SH3BP4: variants seen among roughly 807,000 people sequenced by gnomAD.
SH3BP4 encodes SH3 domain binding protein 4, also known as SH3 domain-binding protein 4.
SH3BP4 carries 33 observed loss-of-function variants against 65.5 expected under a neutral mutation model. The ratio of observed to expected loss-of-function variants is 0.50; its 90% CI spans 0.38 to 0.67. SH3BP4 has a LOEUF of 0.67. Among genes scored for constraint, SH3BP4 ranks in the 30% least tolerant of loss-of-function variants. SH3BP4 has a pLI of 0.00. For synonymous variants in SH3BP4, 552 were observed against 545.5 expected, an observed-to-expected ratio of 1.01 and a Z score of -0.17; for missense variants, 1,134 against 1,261.4, an observed-to-expected ratio of 0.90 and a Z score of 1.53.
At chr2:235,039,853 T>A (rs1163273154) in intron 3 of SH3BP4, among the ~76,000 whole-genome samples, 2 of 152,222 alleles carry the variant, frequency 1.3e-5, no homozygotes, top group Non-Finnish European at 2.9e-5. Flanking sequence ...ACTTGTTCAA[T>A]GATAGTATGA....
At chr2:235,043,348 C>G in intron 4 of SH3BP4, 101 bp downstream of exon 4, 1 of 871,010 alleles carries the variant, frequency 1.1e-6, no homozygotes, top group Non-Finnish European at 1.8e-6. Flanking sequence ...TCGTAAGTCA[C>G]CAGGACAGTG....
rs201220067 is a variant in SH3BP4, at chr2:235,041,712, G to A, written c.943G>A (p.Val315Met). The change falls in exon 4 of 6, where the codon GTG becomes ATG. Residue 315 changes from valine to methionine, a missense_variant. Coordinates refer to ENST00000392011, the MANE Select transcript of SH3BP4 (RefSeq NM_014521.3). This position sits in a 1 kb window ranked among gnomAD's most constrained non-coding sequence, Gnocchi z 6.0. The part of the protein sequence containing the change: ...QSPGWGQTQA[V>M]ETNIVCKLDS... ...CCCTGGTTGGGGCCAGACCCAAGCC[G>A]TGGAGACAAACATCGTGTGCAAGCT... 207 of 1,612,066 alleles carry A rather than the reference G, an allele frequency of 1.3e-4. 1 individual carries two copies. The Middle Eastern group carries it at 3.0e-3, about 23-fold the overall frequency.
At chr2:234,966,129 A>G (rs113846666) in intron 1 of SH3BP4, among the ~76,000 whole-genome samples, 3,241 of 152,304 alleles carry the variant, frequency 0.021, 53 homozygotes, top group Non-Finnish European at 0.027. Flanking sequence ...CTGTAATCCC[A>G]ACACTTTGGG....
At chr2:234,980,237 T>C (rs1389596066) in intron 1 of SH3BP4, among the ~76,000 whole-genome samples, 28 of 152,190 alleles carry the variant, frequency 1.8e-4, no homozygotes. Context: ...AAACCCTGTA[T>C]GTACTATTTA....
At position 235,046,349 on chromosome 2, in the gene SH3BP4, G is replaced by A. The variant is rs997399530; in HGVS notation, c.2478+3102G>A. On this transcript the variant is annotated intron_variant, in intron 4 of 5. Coordinates refer to ENST00000392011, the MANE Select transcript of SH3BP4 (RefSeq NM_014521.3). This position sits in a 1 kb window ranked among gnomAD's most constrained non-coding sequence, Gnocchi z 4.2. ...TTTGGGAGGCTGAGACAGGAGAATC[G>A]CTTGAGCCCGGGAATTCAAGACCAG... Among the ~76,000 whole-genome samples, 2 of 152,038 alleles carry A rather than the reference G, an allele frequency of 1.3e-5. No individual in the cohort carries two copies. Among genetic ancestry groups the A allele is most frequent in the African/African-American group, 4.8e-5 (2 of 41,370 alleles).
intron 4 of SH3BP4, among the ~76,000 whole-genome samples, chr2:235,048,034 G>A (rs1317630959): frequency 6.6e-6 from 1 of 152,176 alleles, no homozygotes. Context: ...AAAGACTGGT[G>A]TGGTGTGAAG....
At chr2:234,983,541 A>T (rs188779906) in intron 1 of SH3BP4, among the ~76,000 whole-genome samples, 131 of 152,288 alleles carry the variant, frequency 8.6e-4, no homozygotes, top group African/African-American at 3.0e-3. Context: ...AATCCCTTCC[A>T]CAAAAAACAT....
At position 234,976,076 on chromosome 2, in the gene SH3BP4, G is replaced by A. The variant is rs904717385; in HGVS notation, c.-206-19227G>A. On this transcript the variant is annotated intron_variant, in intron 1 of 5. Transcript: ENST00000392011. The surrounding 1 kb of genome is among the most constrained non-coding windows in gnomAD (Gnocchi z 4.7). ...ACCCCAGAACACGGGAGTCTGTGCC[G>A]AGTTTGGCACCAGGGATGATGTGTG... Among the ~76,000 whole-genome samples, 16 of 152,206 alleles carry A rather than the reference G, an allele frequency of 1.1e-4. No individual in the cohort carries two copies. The highest frequency in any genetic ancestry group is 2.9e-4 in the African/African-American group (12 of 41,516).
At chr2:234,956,342 C>A (rs1208521559) in intron 1 of SH3BP4, among the ~76,000 whole-genome samples, 1 of 152,170 alleles carries the variant, frequency 6.6e-6, no homozygotes, top group Non-Finnish European at 1.5e-5. Context: ...AGTAAATGTA[C>A]AATAAGGGTT....
chr2:234,993,165 T>A (rs1693805508), intron 1 of SH3BP4, among the ~76,000 whole-genome samples: 1 of 152,192 alleles, frequency 6.6e-6, no homozygotes, highest in Non-Finnish European at 1.5e-5. Context: ...GTGAGGAGGC[T>A]GAGATGAGCC....
chr2:235,011,527 A>C (rs1694504686), intron 2 of SH3BP4, among the ~76,000 whole-genome samples: 1 of 152,216 alleles, frequency 6.6e-6, no homozygotes, highest in African/African-American at 2.4e-5. Context: ...GGGGTGACTC[A>C]GTTCCACCCA....
In SH3BP4 at chr2:235,003,010, C is replaced by T. The variant is rs528239245; in HGVS notation, c.-133+7634C>T. Among the ~76,000 whole-genome samples the T allele has an allele frequency of 7.2e-4, 109 of 152,384 alleles. 2 individuals are homozygous for T. In the South Asian group the frequency reaches 0.022, roughly 30 times the overall value. On this transcript the variant is annotated intron_variant, in intron 2 of 5. Transcript: ENST00000392011. ...ACTTGAAGTAACTTGAACCTGGCTG[C>T]CATCTGCCCAGGCATAGATGTGTGC...
rs1694742499 is a variant in SH3BP4, at chr2:235,017,986, T to C, written c.-132-16885T>C. Among the ~76,000 whole-genome samples the C allele has an allele frequency of 2.0e-5, 3 of 152,172 alleles. 1 individual carries two copies. The highest frequency in any genetic ancestry group is 7.2e-5 in the African/African-American group (3 of 41,454). On this transcript the variant is annotated intron_variant, in intron 2 of 5. Transcript: ENST00000392011. Reference sequence around the variant, plus strand: ...ATCAACACCACCTACATAAACATTCTGTACGGAAGTGAGACACAGGCCCTA... The same window carrying C: ...ATCAACACCACCTACATAAACATTCCGTACGGAAGTGAGACACAGGCCCTA...
intron 2 of SH3BP4, among the ~76,000 whole-genome samples, chr2:235,015,458 C>T (rs1694660666): frequency 6.6e-6 from 1 of 152,186 alleles, no homozygotes; most frequent in African/African-American, 2.4e-5. Flanking sequence ...TCGATGGGGA[C>T]AGTGAGGCAC....
chr2:234,980,588 C>G (rs1299104651), intron 1 of SH3BP4, among the ~76,000 whole-genome samples: 1 of 152,202 alleles, frequency 6.6e-6, no homozygotes, highest in African/African-American at 2.4e-5. Flanking sequence ...GGTCTTTGTA[C>G]ATGACTTCCA....
intron 4 of SH3BP4, among the ~76,000 whole-genome samples, chr2:235,051,898 G>A (rs188007393): frequency 6.6e-6 from 1 of 152,274 alleles, no homozygotes; most frequent in East Asian, 1.9e-4. Context: ...CCCAGAGAGT[G>A]GGAGTGGTGA....
At chr2:235,024,575 A>G (rs567702861) in intron 2 of SH3BP4, among the ~76,000 whole-genome samples, 9 of 152,096 alleles carry the variant, frequency 5.9e-5, no homozygotes, top group Non-Finnish European at 1.3e-4. Context: ...CCCCCTCTCC[A>G]GCCTCTTCAG....
At chr2:234,964,829 C>T (rs1038194462) in intron 1 of SH3BP4, among the ~76,000 whole-genome samples, 7 of 152,102 alleles carry the variant, frequency 4.6e-5, no homozygotes, top group African/African-American at 9.7e-5. Context: ...GACGTGTAAG[C>T]GTGACTTGAA....
Position 234,974,507 on chromosome 2 carries a change from G to A in SH3BP4, c.-206-20796G>A, listed in dbSNP as rs941585038. ...ACAGGCAGCCCTGGAGCTAACAGGA[G>A]TATCCTGCATCCCACCACAGGATGT... On this transcript the variant is annotated intron_variant, in intron 1 of 5. Transcript: ENST00000392011. The surrounding 1 kb of genome is among the most constrained non-coding windows in gnomAD (Gnocchi z 4.6). 6.6e-6 allele frequency among the ~76,000 whole-genome samples: 1 copy of A among 152,230 alleles called. No homozygotes were observed. Among genetic ancestry groups the A allele is most frequent in the Non-Finnish European group, 1.5e-5 (1 of 68,030 alleles).
Sources: allele counts gnomAD v4.1 joint callset (sites outside exome capture counted in the v4.1 genomes callset), GRCh38; gene constraint gnomAD v4.1.1; non-coding constraint Gnocchi (gnomAD v3.1); transcripts MANE v1.5; gene names NCBI Gene and HGNC (gene_info 2026-07-23, HGNC 2026-07-21).